The following CEP128 variants were observed in gnomAD, a reference collection of about 807,000 sequenced individuals.
CEP128 encodes centrosomal protein 128kDa.
In CEP128, 132 loss-of-function variants were observed where a neutral mutation model predicts 156.7. That is an observed-to-expected ratio of 0.84 (90% CI 0.73 to 0.97). The LOEUF is 0.97. Ranked by LOEUF, CEP128 falls within the 50% of genes least tolerant of loss-of-function variation. The probability of loss-of-function intolerance (pLI) is 0.00; values close to 1 mark genes in which losing one functional copy is unlikely to be tolerated. For synonymous variants in CEP128, 469 were observed against 448.9 expected (o/e 1.04, Z -0.57); for missense variants, 1,252 against 1,281.9 (o/e 0.98, Z 0.36).
At chr14:80,605,966 A>T (rs1173053483) in intron 19 of CEP128, among the ~76,000 whole-genome samples, 1 of 151,786 alleles carries the variant, frequency 6.6e-6, no homozygotes, top group Non-Finnish European at 1.5e-5. Flanking sequence ...TAAACTTTAA[A>T]AAATTATTTA....
At chr14:80,831,326 G>C (rs1265130978) in intron 12 of CEP128, 32 bp from the exon 13 acceptor site, 1 of 1,608,576 alleles carries the variant, frequency 6.2e-7, no homozygotes. Flanking sequence ...CTCAAGGGTT[G>C]TTCTTTATTC....
At chr14:80,649,265 T>A (rs895236804) in intron 19 of CEP128, among the ~76,000 whole-genome samples, 1 of 152,032 alleles carries the variant, frequency 6.6e-6, no homozygotes, top group Non-Finnish European at 1.5e-5. Context: ...CCACCCCTCC[T>A]TAACTTGTGG....
intron 16 of CEP128, among the ~76,000 whole-genome samples, chr14:80,774,677 A>G (rs574639012): frequency 2.0e-5 from 3 of 151,884 alleles, no homozygotes; most frequent in Non-Finnish European, 4.4e-5. Context: ...CTTTGTCCAT[A>G]ATTTACTTAT....
chr14:80,907,657 CAAAAAAAA>C (rs67715110), intron 4 of CEP128, among the ~76,000 whole-genome samples: 1 of 64,626 alleles, frequency 1.5e-5, no homozygotes. Context: ...GACTCTGTTT[CAAAAAAAA>C]AAAAAAAAAA....
At chr14:80,740,449 TACACACACAC>T (rs58752743) in intron 19 of CEP128, among the ~76,000 whole-genome samples, 16 of 146,188 alleles carry the variant, frequency 1.1e-4, no homozygotes, top group African/African-American at 3.3e-4. Context: ...TATATACACA[TACACACACAC>T]ACACACACAC....
chr14:80,527,206 A>G, intron 22 of CEP128: 1 of 547,364 alleles, frequency 1.8e-6, no homozygotes, highest in South Asian at 1.7e-5. Flanking sequence ...AGGTGGGAGG[A>G]TAGCTCTAGT....
chr14:80,795,526 C>A (rs1467983806), intron 13 of CEP128, among the ~76,000 whole-genome samples: 1 of 152,166 alleles, frequency 6.6e-6, no homozygotes, highest in Non-Finnish European at 1.5e-5. Flanking sequence ...TCTAGGTGAA[C>A]TTAAAAAGTT....
chr14:80,811,818 T>TTAGATAGATAGATAGATAGA (rs61046137), intron 13 of CEP128, among the ~76,000 whole-genome samples: 45,766 of 149,358 alleles, frequency 0.31, 7,193 homozygotes, highest in African/African-American at 0.35. Flanking sequence ...CACGCATGTA[T>TTAGATAGATAGATAGATAGA]TAGATAGATA....
chr14:80,875,368 C>G (rs2139283159), intron 8 of CEP128, among the ~76,000 whole-genome samples: 1 of 152,270 alleles, frequency 6.6e-6, no homozygotes, highest in Admixed American at 6.5e-5. Context: ...TGTCCTAAGC[C>G]TCAAATTATC....
intron 21 of CEP128, among the ~76,000 whole-genome samples, chr14:80,550,046 T>C (rs2140336720): frequency 6.6e-6 from 1 of 152,304 alleles, no homozygotes; most frequent in Non-Finnish European, 1.5e-5. Flanking sequence ...AGAGATATGC[T>C]TCAGACTTCA....
chr14:80,532,561 G>A (rs1889277246), intron 21 of CEP128, among the ~76,000 whole-genome samples: 1 of 152,150 alleles, frequency 6.6e-6, no homozygotes, highest in Non-Finnish European at 1.5e-5. Context: ...AGAGGGCTGA[G>A]GGTCTAACCC....
chr14:80,781,274 T>C (rs1901092704), intron 15 of CEP128, among the ~76,000 whole-genome samples: 1 of 151,834 alleles, frequency 6.6e-6, no homozygotes, highest in African/African-American at 2.4e-5. Flanking sequence ...CTGGCCAACA[T>C]TGTGAAACCC....
intron 19 of CEP128, among the ~76,000 whole-genome samples, chr14:80,717,381 A>C (rs1897645628): frequency 6.6e-6 from 1 of 152,214 alleles, no homozygotes; most frequent in Non-Finnish European, 1.5e-5. Flanking sequence ...AGATTAACAA[A>C]TGAATTTCAC....
chr14:80,678,489 G>A (rs1051059351), intron 19 of CEP128, among the ~76,000 whole-genome samples: 1 of 152,114 alleles, frequency 6.6e-6, no homozygotes, highest in Admixed American at 6.6e-5. Context: ...AAACAGCAAC[G>A]TAGTGCATAA....
intron 20 of CEP128, among the ~76,000 whole-genome samples, chr14:80,569,042 C>T (rs1464384669): frequency 1.3e-5 from 2 of 152,138 alleles, no homozygotes; most frequent in Non-Finnish European, 1.5e-5. Flanking sequence ...ACAGTAGCTT[C>T]GGCTGTTTGA....
At chr14:80,522,875 A>C (rs757803488) in intron 23 of CEP128, among the ~76,000 whole-genome samples, 1 of 152,230 alleles carries the variant, frequency 6.6e-6, no homozygotes, top group African/African-American at 2.4e-5. Flanking sequence ...CTTTGAAATG[A>C]ATTCTAACTA....
At chr14:80,764,517 G>GA (rs923214874) in intron 16 of CEP128, among the ~76,000 whole-genome samples, 141 of 136,334 alleles carry the variant, frequency 1.0e-3, no homozygotes, top group Non-Finnish European at 8.6e-4. Flanking sequence ...AAAAAAAAAA[G>GA]AAAAAAAAAA....
chr14:80,904,474 C>T (rs1883767791), intron 6 of CEP128, among the ~76,000 whole-genome samples: 1 of 151,818 alleles, frequency 6.6e-6, no homozygotes, highest in South Asian at 2.1e-4. Flanking sequence ...TTATATATTT[C>T]AAAATAACTG....
chr14:80,936,047 G>A (rs1482495185), intron 2 of CEP128, among the ~76,000 whole-genome samples: 5 of 152,150 alleles, frequency 3.3e-5, no homozygotes, highest in Admixed American at 6.5e-5. Context: ...AATTTCATCA[G>A]GAGTCCACCC....
Sources: gnomAD v4.1 joint callset for allele counts (sites outside exome capture counted in the v4.1 genomes callset) on GRCh38, gnomAD v4.1.1 for gene constraint, MANE v1.5 for transcripts, NCBI Gene and HGNC (gene_info 2026-07-23, HGNC 2026-07-21) for gene names.